Variants in XDH observed in about 807,000 individuals in gnomAD.
XDH encodes the protein xanthine dehydrogenase.
In XDH, 138 loss-of-function variants were observed where a neutral mutation model predicts 156.1. That is an observed-to-expected ratio of 0.88 (90% CI 0.77 to 1.02). The LOEUF (loss-of-function observed/expected upper bound fraction) is 1.02, where lower values mean the gene tolerates loss of function less well. Ranked by LOEUF, XDH falls within the 50% of genes least tolerant of loss-of-function variation. The pLI, the probability that XDH is intolerant of heterozygous loss-of-function variation, is 0.00. For missense variants in XDH, 1,849 were observed against 1,684.9 expected, an observed-to-expected ratio of 1.10 and a Z score of -1.71; for synonymous variants, 669 against 625.7, an observed-to-expected ratio of 1.07 and a Z score of -1.03.
chr2:31,375,009 TTCTTTCTTTCTTTC>T (rs1686190045), intron 15 of XDH, among the ~76,000 whole-genome samples: 2 of 111,608 alleles, frequency 1.8e-5, no homozygotes, highest in Non-Finnish European at 3.4e-5. Flanking sequence ...CTTTCTTTCT[TTCTTTCTTTCTTTC>T]TTTTTTTTTT....
intron 16 of XDH, among the ~76,000 whole-genome samples, chr2:31,372,787 C>A (rs45474400): frequency 4.3e-4 from 66 of 151,772 alleles, no homozygotes; most frequent in African/African-American, 1.5e-3. Flanking sequence ...GACAATAATT[C>A]AATTATGTAG....
chr2:31,370,288 C>T, intron 18 of XDH, 67 bp downstream of exon 18: 1 of 1,567,844 alleles, frequency 6.4e-7, no homozygotes, highest in Non-Finnish European at 8.8e-7. Flanking sequence ...GAGTTTGGAG[C>T]AATGTACACA....
At chr2:31,384,540 C>T (rs1030612374) in intron 9 of XDH, 25 of 154,498 alleles carry the variant, frequency 1.6e-4, no homozygotes, top group African/African-American at 6.0e-4. Context: ...GCCTTCCTGA[C>T]TAAATGAGTC....
chr2:31,342,391 C>T, intron 31 of XDH, 94 bp from the exon 32 acceptor site: 1 of 1,141,782 alleles, frequency 8.8e-7, no homozygotes, highest in Non-Finnish European at 1.3e-6. Flanking sequence ...ATCTTTAAAC[C>T]CCACAAGTTT....
intron 31 of XDH, among the ~76,000 whole-genome samples, chr2:31,343,263 C>A: frequency 8.3e-6 from 1 of 120,578 alleles, no homozygotes. Flanking sequence ...ACCTAGAAAG[C>A]ATTGGCAAAA....
At chr2:31,382,910 C>A in intron 11 of XDH, 91 bp downstream of exon 11, 2 of 1,582,614 alleles carry the variant, frequency 1.3e-6, no homozygotes, top group Non-Finnish European at 1.7e-6. Flanking sequence ...AGTTTGAGGC[C>A]CACTGCACTG....
chr2:31,365,932 C>T (rs774351084), intron 22 of XDH, 44 bp downstream of exon 22: 1 of 1,613,808 alleles, frequency 6.2e-7, no homozygotes, highest in East Asian at 2.2e-5. Context: ...CAGCCTTATT[C>T]TTCTTCCCAG....
At chr2:31,364,103 C>G (rs1256789932) in intron 24 of XDH, 55 bp downstream of exon 24, 3 of 1,578,962 alleles carry the variant, frequency 1.9e-6, no homozygotes, top group East Asian at 4.5e-5. Flanking sequence ...TGCGTGGGAA[C>G]AGGCTGACCT....
intron 33 of XDH, among the ~76,000 whole-genome samples, chr2:31,340,505 T>A (rs1462401207): frequency 6.6e-6 from 1 of 152,202 alleles, no homozygotes; most frequent in Non-Finnish European, 1.5e-5. Flanking sequence ...AGTCTTGCTC[T>A]ATCGCCCAGG....
chr2:31,347,757 T>C, intron 28 of XDH, 107 bp from the exon 29 acceptor site: 6 of 1,435,962 alleles, frequency 4.2e-6, no homozygotes, highest in Non-Finnish European at 5.7e-6. Flanking sequence ...AAGAAAACAA[T>C]TTCGTAAACT....
In XDH at chr2:31,365,508, A is replaced by G. The variant is rs200505239; in HGVS notation, c.2493T>C (p.Asp831=). ...TGCCACCAGTTATCAGCATGTCCTC[A>G]TCACGGTCCAGCATGCATCGCACAG... ...GRPVRCMLDR[D]EDMLITGGRH... The change falls in exon 23 of 36, where the codon GAT becomes GAC. Residue 831 remains aspartate (D), a synonymous_variant. Coordinates refer to ENST00000379416, the MANE Select transcript of XDH (RefSeq NM_000379.4). 16 of 1,614,166 alleles carry G rather than the reference A, an allele frequency of 9.9e-6. No homozygotes were observed. In the Admixed American group the frequency reaches 2.7e-4, roughly 27 times the overall value.
At chr2:31,407,094 G>T (rs746046055) in intron 1 of XDH, among the ~76,000 whole-genome samples, 3 of 152,136 alleles carry the variant, frequency 2.0e-5, no homozygotes, top group African/African-American at 4.8e-5. Flanking sequence ...TAAGGTTTTC[G>T]TTGGAGGGAA....
chr2:31,364,288 T>A (rs764711489), intron 23 of XDH, 44 bp from the exon 24 acceptor site: 4 of 1,586,970 alleles, frequency 2.5e-6, no homozygotes, highest in Non-Finnish European at 8.7e-7. Flanking sequence ...AAGTCCCGTT[T>A]CCCCCACCTC....
intron 4 of XDH, among the ~76,000 whole-genome samples, chr2:31,400,270 A>C: frequency 5.5e-5 from 7 of 126,580 alleles, no homozygotes; most frequent in Admixed American, 1.9e-4. Context: ...ATGGAGTCTC[A>C]CTCTGTCGCC....
In XDH at chr2:31,367,034, T is replaced by C. The variant is rs202164513; in HGVS notation, c.2198-40A>G. On this transcript the variant is annotated intron_variant, in intron 20 of 35. Coordinates refer to ENST00000379416, the MANE Select transcript of XDH (RefSeq NM_000379.4). ...AGATCCCTCACAGTGAGCCCAATGCTGCAGAAGGGGCCAGCTTGCCTAAGG... is the reference window on the plus strand; with the variant it reads ...AGATCCCTCACAGTGAGCCCAATGCCGCAGAAGGGGCCAGCTTGCCTAAGG... 2.3e-4 allele frequency: 364 copies of C among 1,613,890 alleles called. 1 individual carries two copies. The African/African-American group carries it at 3.6e-3, about 16-fold the overall frequency.
chr2:31,387,904 G>A lies in XDH; in HGVS notation c.565-7C>T. ...AAGATGGCGAGAGGCTGACCTATGGGGAAAGAGAACAGGTAGGTGATGCAG... is the reference window on the plus strand; with the variant it reads ...AAGATGGCGAGAGGCTGACCTATGGAGAAAGAGAACAGGTAGGTGATGCAG... On this transcript the variant is annotated splice_polypyrimidine_tract_variant and splice_region_variant and intron_variant, in intron 7 of 35. Coordinates refer to ENST00000379416, the MANE Select transcript of XDH (RefSeq NM_000379.4). 6.4e-7 allele frequency: 1 copy of A among 1,574,070 alleles called. No individual in the cohort carries two copies. Among genetic ancestry groups the A allele is most frequent in the Admixed American group, 1.9e-5 (1 of 52,680 alleles).
intron 10 of XDH, 91 bp downstream of exon 10, chr2:31,383,664 T>C (rs912751904): frequency 2.6e-5 from 32 of 1,250,340 alleles, no homozygotes; most frequent in African/African-American, 2.2e-4. Context: ...CCAGAGCCAG[T>C]GGGGAGACCA....
At chr2:31,390,496 A>T (rs1237157601) in intron 6 of XDH, among the ~76,000 whole-genome samples, 1 of 152,198 alleles carries the variant, frequency 6.6e-6, no homozygotes, top group Non-Finnish European at 1.5e-5. Context: ...TTCATGTGGC[A>T]ATAAGTTTTA....
intron 32 of XDH, among the ~76,000 whole-genome samples, chr2:31,341,865 T>G (rs1205032710): frequency 2.6e-5 from 4 of 152,238 alleles, no homozygotes; most frequent in Non-Finnish European, 5.9e-5. Flanking sequence ...GTAAAAATTG[T>G]ATGAGATTCA....
Sources: allele counts gnomAD v4.1 joint callset (sites outside exome capture counted in the v4.1 genomes callset), GRCh38; gene constraint gnomAD v4.1.1; transcripts MANE v1.5; gene names NCBI Gene and HGNC (gene_info 2026-07-23, HGNC 2026-07-21).